Variants in CNTFR observed in about 807,000 individuals in gnomAD.
CNTFR encodes the protein ciliary neurotrophic factor receptor subunit alpha.
Under a neutral mutation model 40.4 loss-of-function variants are expected in CNTFR, and 12 were observed. The ratio of observed to expected loss-of-function variants is 0.30; its 90% CI spans 0.19 to 0.48. The LOEUF (loss-of-function observed/expected upper bound fraction) is 0.48. Ranked by LOEUF, CNTFR falls within the 20% of genes least tolerant of loss-of-function variation. The pLI, the probability that CNTFR is intolerant of heterozygous loss-of-function variation, is 0.99. For synonymous variants in CNTFR, 202 were observed against 209.6 expected (o/e 0.96, Z 0.31); for missense variants, 414 against 506.8 (o/e 0.82, Z 1.76).
At position 34,552,133 on chromosome 9, in the gene CNTFR, C is replaced by A; in HGVS notation, c.1118+28G>T. 1 of 1,592,532 alleles carries A rather than the reference C, an allele frequency of 6.3e-7. No individual in the cohort carries two copies. The highest frequency in any genetic ancestry group is 8.5e-7 in the Non-Finnish European group (1 of 1,169,788). On this transcript the variant is annotated intron_variant, in intron 9 of 9. Transcript: ENST00000378980. The surrounding 1 kb of genome is among the most constrained non-coding windows in gnomAD (Gnocchi z 5.1). ...TGGAGTGGGGGTTCCCTCAGGCTCC[C>A]TCTGCCACCCAGCCTCACTCAACCT...
intron 4 of CNTFR, 103 bp downstream of exon 4, chr9:34,564,496 C>T: frequency 9.2e-7 from 1 of 1,089,440 alleles, no homozygotes; most frequent in Non-Finnish European, 1.4e-6. Context: ...CTGCAGCTCT[C>T]CCCTCTCCAT....
At chr9:34,555,929 TC>T (rs1825816394) in intron 7 of CNTFR, among the ~76,000 whole-genome samples, 1 of 20,296 alleles carries the variant, frequency 4.9e-5, no homozygotes, top group South Asian at 1.9e-3. Flanking sequence ...GCCATCTCCC[TC>T]CCCCGCCATC....
At chr9:34,558,307 C>A (rs552735741) in intron 4 of CNTFR, among the ~76,000 whole-genome samples, 8 of 152,310 alleles carry the variant, frequency 5.3e-5, no homozygotes, top group South Asian at 2.1e-4. Context: ...GGAATCGGCC[C>A]CAGCCCCACA....
intron 2 of CNTFR, among the ~76,000 whole-genome samples, chr9:34,578,069 G>C (rs1234409124): frequency 6.6e-6 from 1 of 151,760 alleles, no homozygotes; most frequent in Non-Finnish European, 1.5e-5. Context: ...GGGTCCGCCT[G>C]CCCGCCTGCG....
chr9:34,584,272 C>G (rs1827451148), intron 1 of CNTFR, among the ~76,000 whole-genome samples: 1 of 152,226 alleles, frequency 6.6e-6, no homozygotes, highest in African/African-American at 2.4e-5. Flanking sequence ...CATAATTTGA[C>G]TAACTGGCAC....
intron 2 of CNTFR, among the ~76,000 whole-genome samples, chr9:34,579,395 G>A (rs551904678): frequency 6.6e-6 from 1 of 152,250 alleles, no homozygotes; most frequent in East Asian, 1.9e-4. Flanking sequence ...ATTTAGAGCT[G>A]GGGTTGGGGG....
Position 34,557,404 on chromosome 9 carries a change from G to A in CNTFR, c.604+122C>T. The stretch of plus-strand genomic sequence containing the variant: ...ACATATATGTGCACTGTACATACCT[G>A]TGCAGAGGCATGTACATGCCATGTA... On this transcript the variant is annotated intron_variant, in intron 6 of 9. Transcript: ENST00000378980. This position sits in a 1 kb window ranked among gnomAD's most constrained non-coding sequence, Gnocchi z 4.2. 4.7e-6 allele frequency: 5 copies of A among 1,064,068 alleles called. No individual in the cohort carries two copies. The highest frequency in any genetic ancestry group is 6.9e-6 in the Non-Finnish European group (5 of 720,310). 65.9% of individuals were successfully genotyped at this position (1,064,068 alleles called of 1,614,324 possible). A position where few individuals can be genotyped will look rare whatever the true frequency, so the allele number is the denominator to read the frequency against.
In CNTFR at chr9:34,557,922, T is replaced by A; in HGVS notation, c.382A>T (p.Ser128Cys). 6.4e-7 allele frequency: 1 copy of A among 1,574,654 alleles called. No individual in the cohort carries two copies. The highest frequency in any genetic ancestry group is 8.6e-7 in the Non-Finnish European group (1 of 1,161,054). The change falls in exon 5 of 10, where the codon AGC becomes TGC. Residue 128 changes from serine (S) to cysteine (C), a missense_variant. Ser to Cys is a moderately radical substitution (Grantham distance 112). Around this residue, in one of 3 missense-constraint regions of CNTFR, gnomAD observed 250 missense variants for 269.5 expected, o/e 0.93. Transcript: ENST00000378980. The surrounding 1 kb of genome is among the most constrained non-coding windows in gnomAD (Gnocchi z 4.2). ...TAGGTGGGGGTGGGCAGATGCCAGC[T>A]GCAGTAGAAGCCCTTGGGGTAAGTG... The part of the protein sequence containing the change: ...SNTYPKGFYC[S>C]WHLPTPTYIP...
Position 34,552,571 on chromosome 9 carries a change from C to T in CNTFR, c.949+103G>A. ...CAGACAGGCAGAAGTGTGGCTACCC[C>T]CGGGAGCAGAGGCTGGAGGCAGCAG... On this transcript the variant is annotated intron_variant, in intron 8 of 9. Coordinates refer to ENST00000378980, the MANE Select transcript of CNTFR (RefSeq NM_147164.3). This position sits in a 1 kb window ranked among gnomAD's most constrained non-coding sequence, Gnocchi z 5.1. 7.8e-7 allele frequency: 1 copy of T among 1,281,858 alleles called. No individual in the cohort carries two copies. Among genetic ancestry groups the T allele is most frequent in the Non-Finnish European group, 1.1e-6 (1 of 944,884 alleles). 79.4% of individuals were successfully genotyped at this position (1,281,858 alleles called of 1,614,324 possible). A position where few individuals can be genotyped will look rare whatever the true frequency, so the allele number is the denominator to read the frequency against.
intron 3 of CNTFR, among the ~76,000 whole-genome samples, chr9:34,567,819 A>G (rs1035411578): frequency 6.6e-6 from 1 of 152,178 alleles, no homozygotes; most frequent in Admixed American, 6.5e-5. Flanking sequence ...TCTCACCCTC[A>G]CAAGAACACA....
At chr9:34,555,894 C>T (rs1360634757) in intron 7 of CNTFR, among the ~76,000 whole-genome samples, 1 of 140,238 alleles carries the variant, frequency 7.1e-6, no homozygotes, top group African/African-American at 2.7e-5. Flanking sequence ...CCCGCCATCT[C>T]CCTCCCCCGC....
At chr9:34,561,487 C>G (rs918435853) in intron 4 of CNTFR, among the ~76,000 whole-genome samples, 2 of 152,104 alleles carry the variant, frequency 1.3e-5, no homozygotes, top group Non-Finnish European at 2.9e-5. Context: ...GTGGGGGGTC[C>G]TTCCGTCATC....
chr9:34,586,330 C>G (rs1827544264), intron 1 of CNTFR, among the ~76,000 whole-genome samples: 1 of 152,174 alleles, frequency 6.6e-6, no homozygotes, highest in Admixed American at 6.5e-5. Context: ...AACATGGTCC[C>G]TACCCCTCCC....
At chr9:34,582,531 C>G (rs989761490) in intron 1 of CNTFR, 4 of 152,178 alleles carry the variant, frequency 2.6e-5, no homozygotes, top group African/African-American at 9.7e-5. Context: ...CCCTTGAAAA[C>G]AGGTCCCAGA....
At chr9:34,569,074 AATCC>A in intron 2 of CNTFR, 93 bp from the exon 3 acceptor site, 1 of 1,244,570 alleles carries the variant, frequency 8.0e-7, no homozygotes, top group Non-Finnish European at 1.1e-6. Context: ...AAGACTGGGA[AATCC>A]CAGCCCTAGG....
chr9:34,577,811 G>A (rs1263521587), intron 2 of CNTFR, among the ~76,000 whole-genome samples: 1 of 151,220 alleles, frequency 6.6e-6, no homozygotes, highest in South Asian at 2.1e-4. Context: ...GCAGAGGCAG[G>A]GGGGCTGGGG....
At chr9:34,563,197 C>T (rs1044701076) in intron 4 of CNTFR, among the ~76,000 whole-genome samples, 7 of 152,192 alleles carry the variant, frequency 4.6e-5, no homozygotes, top group African/African-American at 1.2e-4. Flanking sequence ...TCTAGGGAGC[C>T]GCCGATCCCT....
intron 2 of CNTFR, among the ~76,000 whole-genome samples, chr9:34,570,908 T>G (rs1826584433): frequency 6.6e-6 from 1 of 152,210 alleles, no homozygotes; most frequent in East Asian, 1.9e-4. Context: ...TTTGCTACCC[T>G]TGACCCTCTC....
intron 4 of CNTFR, 127 bp downstream of exon 4, chr9:34,564,472 G>A: frequency 1.1e-6 from 1 of 902,030 alleles, no homozygotes; most frequent in South Asian, 1.6e-5. Context: ...CAAAATCAGA[G>A]GGCAAGGGTC....
Sources: gnomAD v4.1 joint callset for allele counts (sites outside exome capture counted in the v4.1 genomes callset) on GRCh38, gnomAD v4.1.1 for gene constraint, gnomAD v4.1.1 regional missense constraint, Gnocchi (gnomAD v3.1) non-coding constraint, MANE v1.5 for transcripts, NCBI Gene and HGNC (gene_info 2026-07-23, HGNC 2026-07-21) for gene names.